The following EYS variants were observed in gnomAD, a reference collection of about 807,000 sequenced individuals.
EYS encodes the protein EGF-like photoreceptor maintenance factor.
EYS carries 250 observed loss-of-function variants against 282.1 expected under a neutral mutation model. That is an observed-to-expected ratio of 0.89 (90% CI 0.80 to 0.98). EYS has a LOEUF of 0.98. EYS is among the 50% of genes least tolerant of loss of function. The probability of loss-of-function intolerance (pLI) is 0.00; values close to 1 mark genes in which losing one functional copy is unlikely to be tolerated. For missense variants in EYS, 4,016 were observed against 3,709.0 expected, an observed-to-expected ratio of 1.08 and a Z score of -2.15; for synonymous variants, 1,355 against 1,282.9, an observed-to-expected ratio of 1.06 and a Z score of -1.20.
At chr6:63,858,343 A>G (rs1042628461) in intron 36 of EYS, among the ~76,000 whole-genome samples, 3 of 152,210 alleles carry the variant, frequency 2.0e-5, no homozygotes, top group Admixed American at 6.5e-5. Context: ...TACAGGCGTG[A>G]GCCACCATGC....
At chr6:65,449,298 T>C (rs948189608) in intron 5 of EYS, among the ~76,000 whole-genome samples, 2 of 152,154 alleles carry the variant, frequency 1.3e-5, no homozygotes, top group Non-Finnish European at 2.9e-5. Flanking sequence ...GCCAGTCATA[T>C]GACATTTCCC....
chr6:65,622,574 A>T (rs1428020390), intron 2 of EYS, among the ~76,000 whole-genome samples: 1 of 152,024 alleles, frequency 6.6e-6, no homozygotes, highest in Non-Finnish European at 1.5e-5. Context: ...GGTGGTGTTA[A>T]AATTATTTTT....
At chr6:65,695,884 C>A (rs1018576597) in intron 1 of EYS, among the ~76,000 whole-genome samples, 5 of 151,816 alleles carry the variant, frequency 3.3e-5, no homozygotes, top group African/African-American at 7.3e-5. Context: ...CAGAAACATA[C>A]ATGGTTCTGT....
intron 23 of EYS, among the ~76,000 whole-genome samples, chr6:64,623,160 T>G (rs1483719098): frequency 6.6e-6 from 1 of 152,158 alleles, no homozygotes; most frequent in Non-Finnish European, 1.5e-5. Flanking sequence ...AGTAAGCACA[T>G]TTAACATGAG....
chr6:64,960,254 A>C (rs967545219), intron 14 of EYS, among the ~76,000 whole-genome samples: 5 of 152,138 alleles, frequency 3.3e-5, no homozygotes, highest in Admixed American at 3.3e-4. Context: ...CAATAAAAGT[A>C]ATCTTTGATT....
intron 29 of EYS, among the ~76,000 whole-genome samples, chr6:64,311,170 TA>T (rs532950462): frequency 6.1e-4 from 93 of 152,266 alleles, no homozygotes; most frequent in African/African-American, 2.2e-3. Flanking sequence ...ACATGGTTTT[TA>T]GATCATTTCT....
intron 29 of EYS, among the ~76,000 whole-genome samples, chr6:64,313,711 T>G (rs368613745): frequency 1.3e-5 from 2 of 152,182 alleles, no homozygotes; most frequent in Middle Eastern, 3.4e-3. Flanking sequence ...GGGACCAATA[T>G]TCAACATTCT....
At chr6:64,868,299 AT>A (rs879621176) in intron 19 of EYS, among the ~76,000 whole-genome samples, 51 of 151,470 alleles carry the variant, frequency 3.4e-4, no homozygotes, top group Non-Finnish European at 6.1e-4. Context: ...AGAATTGGAT[AT>A]TTTTTTCTCA....
intron 12 of EYS, among the ~76,000 whole-genome samples, chr6:65,132,559 C>A (rs1331903915): frequency 6.6e-6 from 1 of 151,682 alleles, no homozygotes; most frequent in Non-Finnish European, 1.5e-5. Flanking sequence ...AAGGAACATA[C>A]CTCAAAATAA....
intron 6 of EYS, among the ~76,000 whole-genome samples, chr6:65,403,573 G>A (rs978811477): frequency 3.3e-5 from 5 of 151,758 alleles, no homozygotes; most frequent in Non-Finnish European, 5.9e-5. Context: ...GTTGAAAGAG[G>A]TATATAGCTT....
chr6:65,016,477 T>A (rs1444486687), intron 13 of EYS, among the ~76,000 whole-genome samples: 1 of 152,196 alleles, frequency 6.6e-6, no homozygotes, highest in Non-Finnish European at 1.5e-5. Context: ...AATCTGCTGT[T>A]TAAAATGTTT....
At chr6:65,652,763 G>A (rs1767699946) in intron 1 of EYS, among the ~76,000 whole-genome samples, 1 of 151,928 alleles carries the variant, frequency 6.6e-6, no homozygotes, top group South Asian at 2.1e-4. Context: ...GGCAGGAAGG[G>A]TGCAGATGAA....
chr6:64,629,080 A>G (rs1286954997), intron 22 of EYS, among the ~76,000 whole-genome samples: 1 of 152,146 alleles, frequency 6.6e-6, no homozygotes, highest in Non-Finnish European at 1.5e-5. Flanking sequence ...ATTTAGTTGC[A>G]TATCTCCTTA....
At chr6:64,929,549 CAGTT>C (rs1441430199) in intron 15 of EYS, among the ~76,000 whole-genome samples, 1 of 152,078 alleles carries the variant, frequency 6.6e-6, no homozygotes, top group Non-Finnish European at 1.5e-5. Flanking sequence ...TTTACTTAAT[CAGTT>C]AGTTCTAAGG....
chr6:65,605,221 C>A (rs920127284), intron 2 of EYS, among the ~76,000 whole-genome samples: 1 of 151,374 alleles, frequency 6.6e-6, no homozygotes, highest in Non-Finnish European at 1.5e-5. Flanking sequence ...TAATATAATG[C>A]AATTGAATAC....
At position 63,720,445 on chromosome 6, in the gene EYS, T is replaced by C; in HGVS notation, c.*151A>G. 1.7e-6 allele frequency: 1 copy of C among 590,508 alleles called. No individual in the cohort carries two copies. The highest frequency in any genetic ancestry group is 2.8e-6 in the Non-Finnish European group (1 of 358,128). The allele number at this position is 590,508 out of a possible 1,614,324, so 36.6% of individuals were successfully genotyped here. A position where few individuals can be genotyped will look rare whatever the true frequency, so the allele number is the denominator to read the frequency against. On this transcript the variant is annotated 3_prime_UTR_variant, in exon 43 of 43. Coordinates refer to ENST00000503581, the MANE Select transcript of EYS (RefSeq NM_001142800.2). ...AAAACAATCAGAACCTTCAGTGACA[T>C]TTTACAATCTTATCAAAAAGATATG...
chr6:63,756,866 A>G (rs970555019), intron 41 of EYS, among the ~76,000 whole-genome samples: 4 of 152,174 alleles, frequency 2.6e-5, no homozygotes, highest in African/African-American at 9.7e-5. Flanking sequence ...TAATACTTTT[A>G]TAATTTCTTA....
intron 35 of EYS, among the ~76,000 whole-genome samples, chr6:63,907,399 T>G (rs1222933413): frequency 2.0e-5 from 3 of 152,158 alleles, no homozygotes; most frequent in Non-Finnish European, 4.4e-5. Flanking sequence ...CAAATCACTT[T>G]GGATCTTCAG....
chr6:65,579,670 T>C (rs1237226225), intron 2 of EYS, among the ~76,000 whole-genome samples: 3 of 152,132 alleles, frequency 2.0e-5, no homozygotes, highest in African/African-American at 4.8e-5. Context: ...TCTGTCTCTT[T>C]CTTTTTATAA....
Sources: allele counts gnomAD v4.1 joint callset (sites outside exome capture counted in the v4.1 genomes callset), GRCh38; gene constraint gnomAD v4.1.1; transcripts MANE v1.5; gene names NCBI Gene and HGNC (gene_info 2026-07-23, HGNC 2026-07-21).